The following CTDP1 variants were observed in gnomAD, a reference collection of about 807,000 sequenced individuals.
CTDP1 encodes the protein RNA polymerase II subunit A C-terminal domain phosphatase.
A neutral mutation model predicts 91.8 loss-of-function variants in CTDP1; 47 were observed. The observed-to-expected ratio is 0.51, with a 90% confidence interval of 0.41 to 0.65. CTDP1 has a LOEUF of 0.65. Among genes scored for constraint, CTDP1 ranks in the 30% least tolerant of loss-of-function variants. The pLI, the probability that CTDP1 is intolerant of heterozygous loss-of-function variation, is 0.00. For synonymous variants in CTDP1, 656 were observed against 598.5 expected (o/e 1.10, Z -1.40); for missense variants, 1,272 against 1,373.7 (o/e 0.93, Z 1.17).
intron 12 of CTDP1, among the ~76,000 whole-genome samples, chr18:79,750,492 T>C (rs1365242915): frequency 3.3e-5 from 5 of 151,312 alleles, no homozygotes; most frequent in African/African-American, 1.2e-4. Flanking sequence ...CCCGCTACTC[T>C]GCCTTTTTTT....
chr18:79,734,580 G>T (rs2086629942), intron 11 of CTDP1, among the ~76,000 whole-genome samples: 1 of 151,066 alleles, frequency 6.6e-6, no homozygotes, highest in Non-Finnish European at 1.5e-5. Flanking sequence ...CCCAGGTGGG[G>T]CGCCACACTA....
chr18:79,708,881 C>T (rs73484978), intron 5 of CTDP1, among the ~76,000 whole-genome samples: 202 of 152,338 alleles, frequency 1.3e-3, no homozygotes, highest in African/African-American at 3.8e-3. Flanking sequence ...ATGTTGTATT[C>T]ATTCCCGCAC....
chr18:79,727,701 G>A (rs532883401), intron 10 of CTDP1, among the ~76,000 whole-genome samples: 59 of 152,260 alleles, frequency 3.9e-4, no homozygotes, highest in African/African-American at 1.2e-3. Context: ...CTTAGTGCCC[G>A]TTTTCCTTCA....
intron 11 of CTDP1, among the ~76,000 whole-genome samples, chr18:79,730,372 C>T (rs552337770): frequency 2.0e-5 from 3 of 152,318 alleles, no homozygotes; most frequent in East Asian, 1.9e-4. Flanking sequence ...TGACACGTCC[C>T]GTCTCCCTCC....
At chr18:79,715,691 G>C (rs1438373558) in intron 8 of CTDP1, among the ~76,000 whole-genome samples, 163 bp downstream of exon 8, 1 of 152,256 alleles carries the variant, frequency 6.6e-6, no homozygotes, top group African/African-American at 2.4e-5. Flanking sequence ...TGAAATTGGA[G>C]TTTGGGCACG....
intron 12 of CTDP1, among the ~76,000 whole-genome samples, chr18:79,737,987 G>A (rs1402089491): frequency 4.6e-5 from 7 of 151,760 alleles, no homozygotes; most frequent in African/African-American, 7.3e-5. Flanking sequence ...CTGCCTCTCC[G>A]CTCCACTCCC....
chr18:79,723,827 C>T (rs2086393312), intron 10 of CTDP1, among the ~76,000 whole-genome samples: 1 of 152,182 alleles, frequency 6.6e-6, no homozygotes, highest in South Asian at 2.1e-4. Context: ...CCTCCCTGCA[C>T]CGCGCCCTCT....
intron 12 of CTDP1, among the ~76,000 whole-genome samples, chr18:79,744,278 G>A (rs1349712512): frequency 1.3e-5 from 2 of 152,226 alleles, no homozygotes; most frequent in Non-Finnish European, 1.5e-5. Flanking sequence ...CCCTCCTGAG[G>A]CCGTGTCACA....
Position 79,714,760 on chromosome 18 carries a change from CG to C in CTDP1, c.1303del (p.Val435TrpfsTer205). ...EPQGSCAQGG[R>X]VAPGQRPAQG... ...CCAGGGATCCTGTGCGCAGGGTGGC[CG>C]GGTGGCACCGGGACAGCGGCCTGCC... On this transcript the variant is annotated frameshift_variant, in exon 8 of 13. Transcript: ENST00000613122. LOFTEE classifies it high-confidence loss of function. 1 of 1,600,996 alleles carries C rather than the reference CG, an allele frequency of 6.2e-7. No homozygotes were observed. Among genetic ancestry groups the C allele is most frequent in the Non-Finnish European group, 8.5e-7 (1 of 1,174,830 alleles).
chr18:79,733,044 G>A (rs752505337), intron 11 of CTDP1, among the ~76,000 whole-genome samples: 2 of 152,226 alleles, frequency 1.3e-5, no homozygotes, highest in Admixed American at 6.5e-5. Context: ...GAGTCTCCTC[G>A]TGGTGGGCGT....
intron 4 of CTDP1, among the ~76,000 whole-genome samples, chr18:79,702,189 C>A (rs2085873774): frequency 6.6e-6 from 1 of 152,130 alleles, no homozygotes; most frequent in African/African-American, 2.4e-5. Flanking sequence ...ATTGATGGGA[C>A]AAACTTCATT....
chr18:79,721,654 G>A (rs962914906), intron 10 of CTDP1, among the ~76,000 whole-genome samples: 1 of 152,078 alleles, frequency 6.6e-6, no homozygotes, highest in African/African-American at 2.4e-5. Flanking sequence ...TTGGGAGGTG[G>A]ACCCGCAAGG....
chr18:79,703,441 A>C (rs1338441118), intron 4 of CTDP1: 1 of 152,242 alleles, frequency 6.6e-6, no homozygotes, highest in Non-Finnish European at 1.5e-5. Context: ...GATCATATGT[A>C]AGCGAGTCGG....
chr18:79,750,618 C>T (rs972904605), intron 12 of CTDP1, among the ~76,000 whole-genome samples: 3 of 150,730 alleles, frequency 2.0e-5, no homozygotes, highest in African/African-American at 4.9e-5. Context: ...CCCGGCTTCC[C>T]GAGTAGCTGG....
At chr18:79,735,662 C>A (rs2086652523) in intron 11 of CTDP1, 1 of 153,540 alleles carries the variant, frequency 6.5e-6, no homozygotes, top group Non-Finnish European at 1.4e-5. Flanking sequence ...CATCGAGGCA[C>A]TGACGGTACC....
At chr18:79,697,721 C>A in intron 3 of CTDP1, 139 bp from the exon 4 acceptor site, 1 of 1,296,738 alleles carries the variant, frequency 7.7e-7, no homozygotes, top group African/African-American at 1.5e-5. Context: ...TGCCTCTCGG[C>A]CTGTACGGCG....
intron 2 of CTDP1, among the ~76,000 whole-genome samples, chr18:79,695,614 G>A (rs1201409262): frequency 6.6e-6 from 1 of 152,222 alleles, no homozygotes; most frequent in Non-Finnish European, 1.5e-5. Context: ...CCCTCCCTCT[G>A]GGCCGCTGAG....
Position 79,714,541 on chromosome 18 carries a change from G to A in CTDP1, c.1081G>A (p.Asp361Asn). The A allele has an allele frequency of 1.2e-6, 2 of 1,613,170 alleles. No individual in the cohort carries two copies. The highest frequency in any genetic ancestry group is 2.2e-5 in the South Asian group (2 of 91,092). ...CTCAGAGCCATCTCCGCCCGTGAGAGACCCTGAGGGGGTAACGCAGGCCCC... is the reference window on the plus strand; with the variant it reads ...CTCAGAGCCATCTCCGCCCGTGAGAAACCCTGAGGGGGTAACGCAGGCCCC... ...EVSEPSPPVR[D>N]PEGVTQAPGV... Residue 361 changes from aspartate to asparagine, a missense_variant, in exon 8 of 13, where the codon GAC (aspartate) becomes AAC (asparagine). Asp to Asn is a conservative substitution (Grantham distance 23). This residue lies in a region of CTDP1 where 881 missense variants were observed against 911.6 expected (regional missense o/e 0.97). Transcript: ENST00000613122.
At chr18:79,704,568 G>A (rs2085926323) in intron 4 of CTDP1, among the ~76,000 whole-genome samples, 199 bp from the exon 5 acceptor site, 1 of 152,220 alleles carries the variant, frequency 6.6e-6, no homozygotes, top group African/African-American at 2.4e-5. Flanking sequence ...GTGGAGGGAT[G>A]GGCACATGTG....
Sources: allele counts gnomAD v4.1 joint callset (sites outside exome capture counted in the v4.1 genomes callset), GRCh38; gene constraint gnomAD v4.1.1; regional missense constraint gnomAD v4.1.1; transcripts MANE v1.5; gene names NCBI Gene and HGNC (gene_info 2026-07-23, HGNC 2026-07-21).